The following JAZF1 variants were observed in gnomAD, a reference collection of about 807,000 sequenced individuals.
The protein encoded by JAZF1 is juxtaposed with another zinc finger protein 1.
JAZF1 carries 8 observed loss-of-function variants against 26.4 expected under a neutral mutation model. The ratio of observed to expected loss-of-function variants is 0.30; its 90% confidence interval spans 0.18 to 0.55. JAZF1 has a LOEUF of 0.55. Among genes scored for constraint, JAZF1 ranks in the 20% least tolerant of loss-of-function variants. The pLI, the probability that JAZF1 is intolerant of heterozygous loss-of-function variation, is 0.94. For synonymous variants in JAZF1, 126 were observed against 122.3 expected, an observed-to-expected ratio of 1.03 and a Z score of -0.20; for missense variants, 199 against 322.0, an observed-to-expected ratio of 0.62 and a Z score of 2.92.
intron 2 of JAZF1, among the ~76,000 whole-genome samples, chr7:27,983,710 G>T (rs1785635595): frequency 6.6e-6 from 1 of 152,198 alleles, no homozygotes; most frequent in Non-Finnish European, 1.5e-5. Flanking sequence ...GAAAGGTCGG[G>T]TTACCCACAA....
At chr7:28,091,028 T>G (rs1784288671) in intron 1 of JAZF1, among the ~76,000 whole-genome samples, 1 of 151,256 alleles carries the variant, frequency 6.6e-6, no homozygotes, top group African/African-American at 2.4e-5. Flanking sequence ...GGGTTTCACC[T>G]TGTTAGCCAG....
At chr7:27,936,750 G>A (rs995889895) in intron 2 of JAZF1, among the ~76,000 whole-genome samples, 3 of 152,144 alleles carry the variant, frequency 2.0e-5, no homozygotes, top group African/African-American at 7.2e-5. Context: ...CCTGTCGATG[G>A]CATAAAACGG....
intron 2 of JAZF1, among the ~76,000 whole-genome samples, chr7:27,909,922 G>A (rs1784332541): frequency 6.6e-6 from 1 of 152,112 alleles, no homozygotes; most frequent in South Asian, 2.1e-4. Context: ...AGAACAAAGG[G>A]AAAAGGAAAT....
chr7:27,929,046 T>C (rs934272530), intron 2 of JAZF1, among the ~76,000 whole-genome samples: 1 of 152,198 alleles, frequency 6.6e-6, no homozygotes, highest in African/African-American at 2.4e-5. Flanking sequence ...GAGGGGCACG[T>C]TCAAGATTTG....
intron 4 of JAZF1, among the ~76,000 whole-genome samples, chr7:27,837,816 G>A (rs1782846689): frequency 6.6e-6 from 1 of 152,186 alleles, no homozygotes; most frequent in Non-Finnish European, 1.5e-5. Flanking sequence ...GCAGGAAGGA[G>A]GCTCCCTGCT....
intron 1 of JAZF1, among the ~76,000 whole-genome samples, chr7:28,094,403 C>CCT (rs1021181269): frequency 1.6e-4 from 25 of 152,188 alleles, no homozygotes; most frequent in Admixed American, 1.3e-3. Flanking sequence ...TCAGCAGTCT[C>CCT]CTTTCCAGCC....
At chr7:28,073,396 TTC>T (rs1351201163) in intron 1 of JAZF1, among the ~76,000 whole-genome samples, 1 of 152,062 alleles carries the variant, frequency 6.6e-6, no homozygotes, top group African/African-American at 2.4e-5. Context: ...TCCCCTCCCT[TTC>T]TCTCAGGCAA....
At chr7:28,109,597 C>G (rs1338135697) in intron 1 of JAZF1, among the ~76,000 whole-genome samples, 1 of 152,210 alleles carries the variant, frequency 6.6e-6, no homozygotes, top group Non-Finnish European at 1.5e-5. Flanking sequence ...ATCCTCAACA[C>G]TGTGAAATGG....
chr7:27,955,099 T>G (rs966364637), intron 2 of JAZF1, among the ~76,000 whole-genome samples: 2 of 152,222 alleles, frequency 1.3e-5, no homozygotes, highest in African/African-American at 4.8e-5. Context: ...AAATGACAAT[T>G]AAGTTGCCTG....
At chr7:28,120,742 C>T (rs1382143103) in intron 1 of JAZF1, among the ~76,000 whole-genome samples, 3 of 151,988 alleles carry the variant, frequency 2.0e-5, no homozygotes, top group Non-Finnish European at 4.4e-5. Flanking sequence ...GCTGGGAAGC[C>T]ACCCCAAGTG....
At chr7:28,152,213 T>C (rs146093422) in intron 1 of JAZF1, among the ~76,000 whole-genome samples, 1,816 of 152,312 alleles carry the variant, frequency 0.012, 19 homozygotes, top group Non-Finnish European at 0.02. Flanking sequence ...TTAAAGGAAA[T>C]GAATCAGCTT....
intron 2 of JAZF1, among the ~76,000 whole-genome samples, chr7:27,954,030 C>T (rs1482065840): frequency 2.0e-5 from 3 of 152,172 alleles, no homozygotes; most frequent in Non-Finnish European, 4.4e-5. Flanking sequence ...CCCCACCCTG[C>T]GGTGAGCTCA....
chr7:28,028,720 C>T (rs1016530823), intron 1 of JAZF1, among the ~76,000 whole-genome samples: 22 of 152,184 alleles, frequency 1.4e-4, no homozygotes, highest in Non-Finnish European at 2.6e-4. Context: ...AATAACATAA[C>T]GCAACTATTC....
chr7:27,933,055 C>T (rs1784709725), intron 2 of JAZF1, among the ~76,000 whole-genome samples: 1 of 152,116 alleles, frequency 6.6e-6, no homozygotes, highest in Admixed American at 6.5e-5. Context: ...ATAAACAGCT[C>T]TGTGGAATGG....
At chr7:27,930,832 T>TA (rs775658115) in intron 2 of JAZF1, among the ~76,000 whole-genome samples, 262 of 141,022 alleles carry the variant, frequency 1.9e-3, no homozygotes, top group Middle Eastern at 3.6e-3. Flanking sequence ...GCCATTTTTT[T>TA]TAAAAAAAAA....
At chr7:28,175,761 C>T (rs1783541587) in intron 1 of JAZF1, among the ~76,000 whole-genome samples, 1 of 152,226 alleles carries the variant, frequency 6.6e-6, no homozygotes. Flanking sequence ...ATAGGCTTAG[C>T]TTTGCATACC....
chr7:27,907,740 G>C (rs140683942), intron 2 of JAZF1, among the ~76,000 whole-genome samples: 1 of 152,182 alleles, frequency 6.6e-6, no homozygotes, highest in South Asian at 2.1e-4. Flanking sequence ...CAATGTGAGA[G>C]GAGGTCTCAA....
intron 1 of JAZF1, among the ~76,000 whole-genome samples, chr7:28,075,564 G>A (rs1269770053): frequency 1.3e-5 from 2 of 152,022 alleles, no homozygotes; most frequent in African/African-American, 4.8e-5. Flanking sequence ...AATGTATATT[G>A]TAATTGGTTG....
At chr7:27,870,075 A>ATTT (rs371770357) in intron 3 of JAZF1, among the ~76,000 whole-genome samples, 14 of 120,636 alleles carry the variant, frequency 1.2e-4, no homozygotes, top group Admixed American at 1.8e-4. Flanking sequence ...CACCCGGTTA[A>ATTT]TTTTTTTTTT....
Sources: gnomAD v4.1 joint callset for allele counts (sites outside exome capture counted in the v4.1 genomes callset) on GRCh38, gnomAD v4.1.1 for gene constraint, MANE v1.5 for transcripts, NCBI Gene and HGNC (gene_info 2026-07-23, HGNC 2026-07-21) for gene names.